Variants in SLC1A1 observed in about 807,000 individuals in gnomAD.
SLC1A1 encodes excitatory amino acid transporter 3.
In SLC1A1, 43 loss-of-function variants were observed where a neutral mutation model predicts 53.3. That is an observed-to-expected ratio of 0.81 (90% confidence interval 0.63 to 1.04). The LOEUF is 1.04. SLC1A1 is among the 50% of genes least tolerant of loss of function. The pLI is 0.00. For synonymous variants in SLC1A1, 307 were observed against 243.2 expected (o/e 1.26, Z -2.44); for missense variants, 748 against 664.9 (o/e 1.12, Z -1.37).
intron 1 of SLC1A1, among the ~76,000 whole-genome samples, chr9:4,542,684 C>G (rs1007331143): frequency 6.6e-6 from 1 of 152,106 alleles, no homozygotes; most frequent in African/African-American, 2.4e-5. Flanking sequence ...ATCCTTAGGG[C>G]ATAATATAGG....
In SLC1A1 at chr9:4,513,306, C is replaced by G. The variant is rs532125547; in HGVS notation, c.91+22536C>G. Among the ~76,000 whole-genome samples, 279 of 152,286 alleles carry G rather than the reference C, an allele frequency of 1.8e-3. 1 individual carries two copies. Among genetic ancestry groups the G allele is most frequent in the Non-Finnish European group, 3.2e-3 (220 of 68,018 alleles). On this transcript the variant is annotated intron_variant, in intron 1 of 11. Transcript: ENST00000262352. ...AAAGAATTGCAGATCATATATCCAA[C>G]TTGTCTAAATTTGTATCCAGAATAT...
rs2130900329 is a variant in SLC1A1 at position 4,555,727 on chromosome 9, T to C, written c.233-5722T>C. ...AGGGAACTGGAATCGTGCTCTTCTTTTTCTGCCCAATTCAGGTGCCACCTG... is the reference window on the plus strand; with the variant it reads ...AGGGAACTGGAATCGTGCTCTTCTTCTTCTGCCCAATTCAGGTGCCACCTG... On this transcript the variant is annotated intron_variant, in intron 2 of 11. Coordinates refer to ENST00000262352, the MANE Select transcript of SLC1A1 (RefSeq NM_004170.6). Among the ~76,000 whole-genome samples the C allele has an allele frequency of 2.6e-5, 4 of 152,268 alleles. 1 individual carries two copies. The highest frequency in any genetic ancestry group is 2.6e-4 in the Admixed American group (4 of 15,294).
At chr9:4,574,941 G>C (rs1295794732) in intron 8 of SLC1A1, among the ~76,000 whole-genome samples, 1 of 152,236 alleles carries the variant, frequency 6.6e-6, no homozygotes, top group Non-Finnish European at 1.5e-5. Flanking sequence ...TGAGGCCCCT[G>C]GCGCTAAGGG....
At chr9:4,531,095 T>C (rs1012090147) in intron 1 of SLC1A1, among the ~76,000 whole-genome samples, 9 of 152,134 alleles carry the variant, frequency 5.9e-5, no homozygotes, top group Admixed American at 3.9e-4. Flanking sequence ...GATGGCCAAA[T>C]AGGAAGAGCT....
Position 4,522,675 on chromosome 9 carries a change from G to A in SLC1A1, c.92-21892G>A, listed in dbSNP as rs150118887. Among the ~76,000 whole-genome samples the A allele has an allele frequency of 2.8e-3, 424 of 152,260 alleles. 3 individuals are homozygous for A. The highest frequency in any genetic ancestry group is 8.8e-3 in the African/African-American group (366 of 41,530). On this transcript the variant is annotated intron_variant, in intron 1 of 11. Coordinates refer to ENST00000262352, the MANE Select transcript of SLC1A1 (RefSeq NM_004170.6). ...AGGAAACTTACAATCATGGCAAAAG[G>A]GGAAGCAGGCACCTTCTTCACAAGG...
intron 1 of SLC1A1, among the ~76,000 whole-genome samples, chr9:4,541,037 G>T (rs1816959957): frequency 6.6e-6 from 1 of 152,196 alleles, no homozygotes; most frequent in Non-Finnish European, 1.5e-5. Flanking sequence ...AATTACCTGT[G>T]TCTGTGGTGG....
At position 4,585,401 on chromosome 9, in the gene SLC1A1, T is replaced by A. The variant is rs374314742; in HGVS notation, c.1418T>A (p.Met473Lys). The change falls in exon 12 of 12, where the codon ATG (methionine) becomes AAG (lysine). Residue 473 changes from methionine (M) to lysine (K), a missense_variant. Met to Lys is a moderately conservative substitution (Grantham distance 95). Transcript: ENST00000262352. ...EKLSKKELEQ[M>K]DVSSEVNIVN... ...CTCTCCAAGAAGGAGCTGGAGCAGATGGATGTTTCATCTGAAGTCAACATT... is the reference window on the plus strand; with the variant it reads ...CTCTCCAAGAAGGAGCTGGAGCAGAAGGATGTTTCATCTGAAGTCAACATT... 4 of 1,614,122 alleles carry A rather than the reference T, an allele frequency of 2.5e-6. No homozygotes were observed. In the African/African-American group the frequency reaches 4.0e-5, roughly 16 times the overall value.
chr9:4,580,369 C>G (rs1038272740), intron 10 of SLC1A1, among the ~76,000 whole-genome samples: 2 of 152,000 alleles, frequency 1.3e-5, no homozygotes, highest in Non-Finnish European at 2.9e-5. Context: ...TCACTTTAGC[C>G]CAGGAGTTTG....
chr9:4,544,921 G>A (rs1056694176), intron 2 of SLC1A1, among the ~76,000 whole-genome samples: 13 of 152,200 alleles, frequency 8.5e-5, no homozygotes, highest in Admixed American at 8.5e-4. Context: ...GAAAGGCTGG[G>A]CGAAGCAGGA....
chr9:4,495,380 A>G lies in SLC1A1; in HGVS notation c.91+4610A>G, dbSNP rs190656848. Among the ~76,000 whole-genome samples, 30 of 152,298 alleles carry G rather than the reference A, an allele frequency of 2.0e-4. 1 individual carries two copies. The highest frequency in any genetic ancestry group is 7.2e-4 in the Admixed American group (11 of 15,302). The stretch of plus-strand genomic sequence containing the variant: ...CAGCCGGGTCACACAGCATGTCCTC[A>G]TGGGACTTAATGTTCAAGTAGAGAG... On this transcript the variant is annotated intron_variant, in intron 1 of 11. Coordinates refer to ENST00000262352, the MANE Select transcript of SLC1A1 (RefSeq NM_004170.6).
chr9:4,513,545 A>C (rs1024003410), intron 1 of SLC1A1, among the ~76,000 whole-genome samples: 3 of 152,158 alleles, frequency 2.0e-5, no homozygotes, highest in Admixed American at 6.6e-5. Flanking sequence ...AAAAAATACA[A>C]CACCAAGTGC....
chr9:4,585,185 G>A, intron 11 of SLC1A1, 127 bp from the exon 12 acceptor site: 1 of 1,268,578 alleles, frequency 7.9e-7, no homozygotes, highest in Non-Finnish European at 1.1e-6. Flanking sequence ...CAGTCAGTCA[G>A]CCATGAGGAC....
At chr9:4,525,717 C>T (rs545984643) in intron 1 of SLC1A1, among the ~76,000 whole-genome samples, 1 of 152,148 alleles carries the variant, frequency 6.6e-6, no homozygotes, top group African/African-American at 2.4e-5. Flanking sequence ...ATGAATTAAA[C>T]ATCCAGTAAA....
At chr9:4,573,518 C>T (rs925249943) in intron 7 of SLC1A1, among the ~76,000 whole-genome samples, 1 of 152,136 alleles carries the variant, frequency 6.6e-6, no homozygotes, top group African/African-American at 2.4e-5. Flanking sequence ...ACCTGGGAAA[C>T]AGATGACCGT....
rs955375473 is a variant in SLC1A1, at chr9:4,544,800, GT to G, written c.232+96del. 9.6e-5 allele frequency: 104 copies of G among 1,088,382 alleles called. No homozygotes were observed. The African/African-American group carries it at 1.5e-3, about 16-fold the overall frequency. The allele number at this position is 1,088,382 out of a possible 1,614,324, so 67.4% of individuals were successfully genotyped here. ...ACTAGGTAATTTATAAAGGAAAGAG[GT>G]TTAATTGACTCACAGTTCATCCTGG... On this transcript the variant is annotated intron_variant, in intron 2 of 11. Transcript: ENST00000262352.
At position 4,514,714 on chromosome 9, in the gene SLC1A1, G is replaced by T. The variant is rs568317729; in HGVS notation, c.91+23944G>T. Reference sequence around the variant, plus strand: ...CCCTATGTTAGGGGACCACTGAAGGGGCTTTAAGCTGGAGAGTGACTCCGC... The same window carrying T: ...CCCTATGTTAGGGGACCACTGAAGGTGCTTTAAGCTGGAGAGTGACTCCGC... On this transcript the variant is annotated intron_variant, in intron 1 of 11. Transcript: ENST00000262352. Among the ~76,000 whole-genome samples the T allele has an allele frequency of 1.4e-4, 21 of 152,202 alleles. No homozygotes were observed. In the East Asian group the frequency reaches 4.1e-3, roughly 29 times the overall value.
chr9:4,561,610 G>C, intron 3 of SLC1A1, 69 bp downstream of exon 3: 1 of 952,964 alleles, frequency 1.0e-6, no homozygotes, highest in Non-Finnish European at 1.7e-6. Context: ...AGTAGTTGGT[G>C]GCCAGATGCG....
Position 4,544,553 on chromosome 9 carries a change from C to G in SLC1A1, c.92-14C>G. On this transcript the variant is annotated splice_polypyrimidine_tract_variant and intron_variant, in intron 1 of 11. Coordinates refer to ENST00000262352, the MANE Select transcript of SLC1A1 (RefSeq NM_004170.6). ...ATGTTCCTCTTCCTTCTTTCCAACT[C>G]TTGTTTTCCTTAGGCATTACCACAG... 1 of 1,612,528 alleles carries G rather than the reference C, an allele frequency of 6.2e-7. No individual in the cohort carries two copies. Among genetic ancestry groups the G allele is most frequent in the Non-Finnish European group, 8.5e-7 (1 of 1,178,766 alleles).
chr9:4,575,926 G>C, intron 8 of SLC1A1, 75 bp from the exon 9 acceptor site: 3 of 1,533,608 alleles, frequency 2.0e-6, no homozygotes, highest in Non-Finnish European at 2.7e-6. Flanking sequence ...AAATTAAAAA[G>C]ATGTTTGATA....
Sources: gnomAD v4.1 joint callset for allele counts (sites outside exome capture counted in the v4.1 genomes callset) on GRCh38, gnomAD v4.1.1 for gene constraint, MANE v1.5 for transcripts, NCBI Gene and HGNC (gene_info 2026-07-23, HGNC 2026-07-21) for gene names.